Variants in PLCB1 observed in about 807,000 individuals in gnomAD.
PLCB1 encodes the protein 1-phosphatidylinositol 4,5-bisphosphate phosphodiesterase beta-1.
PLCB1 carries 46 observed loss-of-function variants against 161.8 expected under a neutral mutation model. The observed-to-expected ratio is 0.28, with a 90% CI of 0.22 to 0.36. The LOEUF (loss-of-function observed/expected upper bound fraction) is 0.36, where lower values mean the gene tolerates loss of function less well. Among genes scored for constraint, PLCB1 ranks in the 10% least tolerant of loss-of-function variants. The pLI, the probability that PLCB1 is intolerant of heterozygous loss-of-function variation, is 1.00. For synonymous variants in PLCB1, 517 were observed against 503.7 expected, an observed-to-expected ratio of 1.03 and a Z score of -0.35; for missense variants, 1,016 against 1,472.5, an observed-to-expected ratio of 0.69 and a Z score of 5.07.
intron 23 of PLCB1, among the ~76,000 whole-genome samples, chr20:8,755,510 CA>C (rs1981692480): frequency 6.6e-6 from 1 of 152,170 alleles, no homozygotes; most frequent in African/African-American, 2.4e-5. Context: ...TATTGAAAAG[CA>C]ACATTAAAAG....
intron 3 of PLCB1, among the ~76,000 whole-genome samples, chr20:8,443,010 C>T (rs1186574915): frequency 1.4e-5 from 2 of 146,474 alleles, no homozygotes; most frequent in African/African-American, 2.5e-5. Flanking sequence ...GATGGAGTCT[C>T]GTCCTGTTGC....
chr20:8,651,713 C>A, intron 7 of PLCB1: 3 of 471,282 alleles, frequency 6.4e-6, no homozygotes, highest in South Asian at 4.8e-5. Flanking sequence ...AATAAGCATG[C>A]CAACAAATGC....
In PLCB1 at chr20:8,132,415, C is replaced by T. The variant is rs959112547; in HGVS notation, c.-237C>T. On this transcript the variant is annotated 5_prime_UTR_variant, in exon 1 of 32. Transcript: ENST00000338037. This position sits in a 1 kb window ranked among gnomAD's most constrained non-coding sequence, Gnocchi z 5.2. ...TCCGAGGCTCCTCATCCACCGCGGG[C>T]TCCAGACCTCGCGTCCCGCCCGGGG... 2 of 297,094 alleles carry T rather than the reference C, an allele frequency of 6.7e-6. No individual in the cohort carries two copies. The highest frequency in any genetic ancestry group is 1.2e-5 in the Non-Finnish European group (2 of 161,836). 18.4% of individuals were successfully genotyped at this position (297,094 alleles called of 1,614,324 possible).
At chr20:8,283,563 AAATC>A (rs138882107) in intron 2 of PLCB1, among the ~76,000 whole-genome samples, 48,172 of 149,542 alleles carry the variant, frequency 0.32, 7,922 homozygotes, top group East Asian at 0.41. Flanking sequence ...TAAATAAAAT[AAATC>A]AATCAATAAA....
chr20:8,682,001 G>A (rs1990233326), intron 9 of PLCB1, among the ~76,000 whole-genome samples: 1 of 152,100 alleles, frequency 6.6e-6, no homozygotes, highest in African/African-American at 2.4e-5. Flanking sequence ...CTCGTGCCTG[G>A]GTTTCAAGGG....
intron 2 of PLCB1, among the ~76,000 whole-genome samples, chr20:8,178,254 T>G (rs1316734855): frequency 6.6e-6 from 1 of 152,220 alleles, no homozygotes; most frequent in African/African-American, 2.4e-5. Context: ...CTAAATTCTT[T>G]GAGAAATAGC....
rs1332027028 is a variant in PLCB1, at chr20:8,740,456, A to G, written c.2413+8A>G. Reference sequence around the variant, plus strand: ...TGCCAGACACATATGCAGGTAAACAACTTAACTCAAATACCACTTTACTCA... The same window carrying G: ...TGCCAGACACATATGCAGGTAAACAGCTTAACTCAAATACCACTTTACTCA... On this transcript the variant is annotated splice_region_variant and intron_variant, in intron 22 of 31. Transcript: ENST00000338037. The G allele has an allele frequency of 1.4e-6, 2 of 1,473,482 alleles. No individual in the cohort carries two copies. The highest frequency in any genetic ancestry group is 1.9e-6 in the Non-Finnish European group (2 of 1,077,718). The allele number at this position is 1,473,482 out of a possible 1,614,324, so 91.3% of individuals were successfully genotyped here.
At chr20:8,781,228 A>AT (rs968221044) in intron 27 of PLCB1, among the ~76,000 whole-genome samples, 26 of 149,368 alleles carry the variant, frequency 1.7e-4, no homozygotes, top group East Asian at 1.6e-3. Context: ...ACATAGGGTC[A>AT]TTTTTTTTTT....
chr20:8,577,976 C>A (rs776877631), intron 3 of PLCB1, among the ~76,000 whole-genome samples: 1 of 152,204 alleles, frequency 6.6e-6, no homozygotes, highest in African/African-American at 2.4e-5. Context: ...AAAATTGCTT[C>A]TGTAACTAAT....
chr20:8,772,744 C>T (rs1026723644), intron 26 of PLCB1, among the ~76,000 whole-genome samples: 1 of 151,926 alleles, frequency 6.6e-6, no homozygotes, highest in African/African-American at 2.4e-5. Context: ...ACCAGCCTGA[C>T]CAACATGGAG....
chr20:8,733,647 G>A (rs557830528), intron 19 of PLCB1, among the ~76,000 whole-genome samples: 1 of 151,232 alleles, frequency 6.6e-6, no homozygotes, highest in East Asian at 2.0e-4. Context: ...TGTGGGGTGG[G>A]GGGAGCGGGG....
rs535950579 is a variant in PLCB1, at chr20:8,882,180, G to A, written c.*331G>A. The stretch of plus-strand genomic sequence containing the variant: ...GTCTTCTTTGAAGAAAATCAAGCTC[G>A]TGTTTTTATTCGAAGCTCTGGTGTA... On this transcript the variant is annotated 3_prime_UTR_variant, in exon 32 of 32. Coordinates refer to ENST00000338037, the MANE Select transcript of PLCB1 (RefSeq NM_015192.4). 95 of 245,568 alleles carry A rather than the reference G, an allele frequency of 3.9e-4. No individual in the cohort carries two copies. The highest frequency in any genetic ancestry group is 1.8e-3 in the African/African-American group (81 of 44,712). 15.2% of individuals were successfully genotyped at this position (245,568 alleles called of 1,614,324 possible).
At chr20:8,412,818 G>A (rs1260882256) in intron 3 of PLCB1, among the ~76,000 whole-genome samples, 1 of 152,036 alleles carries the variant, frequency 6.6e-6, no homozygotes. Context: ...ATTGATATGT[G>A]CTTTGGAAAT....
At chr20:8,710,502 CTTTTTTTT>C (rs1177302486) in intron 12 of PLCB1, among the ~76,000 whole-genome samples, 1 of 71,476 alleles carries the variant, frequency 1.4e-5, no homozygotes, top group East Asian at 4.8e-4. Context: ...CTTGAGGATG[CTTTTTTTT>C]TTTTTTTTTT....
intron 3 of PLCB1, among the ~76,000 whole-genome samples, chr20:8,533,217 C>A (rs1008927090): frequency 1.3e-5 from 2 of 151,966 alleles, no homozygotes; most frequent in South Asian, 4.2e-4. Flanking sequence ...GGCTGCATAG[C>A]ATTCCATGGT....
intron 3 of PLCB1, among the ~76,000 whole-genome samples, chr20:8,458,702 A>T (rs1052077117): frequency 3.3e-5 from 5 of 152,182 alleles, no homozygotes; most frequent in African/African-American, 1.2e-4. Context: ...CCTGTCTGGG[A>T]TGAAAGACAT....
At chr20:8,711,896 A>G (rs1005149236) in intron 12 of PLCB1, among the ~76,000 whole-genome samples, 1 of 152,198 alleles carries the variant, frequency 6.6e-6, no homozygotes, top group Non-Finnish European at 1.5e-5. Flanking sequence ...CCTATTTGCC[A>G]TCTCTGATGA....
chr20:8,184,578 C>A (rs964256344), intron 2 of PLCB1, among the ~76,000 whole-genome samples: 1 of 151,620 alleles, frequency 6.6e-6, no homozygotes, highest in African/African-American at 2.4e-5. Context: ...GCAATAATTT[C>A]TGAAATTCTT....
chr20:8,235,974 TG>T (rs1600252398), intron 2 of PLCB1, among the ~76,000 whole-genome samples: 2 of 152,110 alleles, frequency 1.3e-5, no homozygotes, highest in African/African-American at 4.8e-5. Context: ...ACTATATTTC[TG>T]GAAGGAATAA....
Sources: gnomAD v4.1 joint callset for allele counts (sites outside exome capture counted in the v4.1 genomes callset) on GRCh38, gnomAD v4.1.1 for gene constraint, Gnocchi (gnomAD v3.1) non-coding constraint, MANE v1.5 for transcripts, NCBI Gene and HGNC (gene_info 2026-07-23, HGNC 2026-07-21) for gene names.